STX6: variants seen among roughly 807,000 people sequenced by gnomAD.
STX6 encodes the protein syntaxin 6.
STX6 carries 23 observed loss-of-function variants against 38.0 expected under a neutral mutation model. The observed-to-expected ratio is 0.60, with a 90% confidence interval of 0.43 to 0.86. The LOEUF (loss-of-function observed/expected upper bound fraction) is 0.86, where lower values mean the gene tolerates loss of function less well. Among genes scored for constraint, STX6 ranks in the 40% least tolerant of loss-of-function variants. STX6 has a pLI of 0.00. For missense variants in STX6, 274 were observed against 312.9 expected (o/e 0.88, Z 0.94); for synonymous variants, 123 against 107.5 (o/e 1.14, Z -0.89).
At chr1:180,979,821 G>T (rs1250369584) in intron 7 of STX6, among the ~76,000 whole-genome samples, 2 of 151,450 alleles carry the variant, frequency 1.3e-5, no homozygotes, top group Non-Finnish European at 2.9e-5. Context: ...TGTCCAGAAT[G>T]TATTATACAA....
At chr1:180,986,555 T>A (rs1655591121) in intron 6 of STX6, among the ~76,000 whole-genome samples, 1 of 152,090 alleles carries the variant, frequency 6.6e-6, no homozygotes, top group Admixed American at 6.5e-5. Flanking sequence ...GTTATTTCTA[T>A]TTTTTTAGAG....
chr1:180,972,932 C>A lies in STX6; in HGVS notation c.*3638G>T, dbSNP rs1040303194. 3.9e-6 allele frequency: 1 copy of A among 254,472 alleles called. No individual in the cohort carries two copies. Among genetic ancestry groups the A allele is most frequent in the Non-Finnish European group, 7.7e-6 (1 of 129,046 alleles). 15.8% of individuals were successfully genotyped at this position (254,472 alleles called of 1,614,324 possible). On this transcript the variant is annotated 3_prime_UTR_variant, in exon 8 of 8. Transcript: ENST00000258301. The stretch of plus-strand genomic sequence containing the variant: ...GACCACCCCCTATTAGAAGCAAAGG[C>A]CCTGGGAGGAGTAAGGCCTGTCACT...
At chr1:181,019,363 A>C (rs1263809574) in intron 1 of STX6, among the ~76,000 whole-genome samples, 1 of 152,106 alleles carries the variant, frequency 6.6e-6, no homozygotes, top group Non-Finnish European at 1.5e-5. Context: ...GAAAAAAAAA[A>C]AAAAAACAGT....
In STX6 at chr1:181,022,622, G is replaced by A. The variant is rs113299038; in HGVS notation, c.35+17C>T. ...CCGCCACCTCTTCCTCCGGTGGAGC[G>A]CTCGGCCGACACTCACCCTTTCACC... On this transcript the variant is annotated intron_variant, in intron 1 of 7. Transcript: ENST00000258301. 5.0e-6 allele frequency: 8 copies of A among 1,606,470 alleles called. No homozygotes were observed. Among genetic ancestry groups the A allele is most frequent in the Non-Finnish European group, 5.9e-6 (7 of 1,176,802 alleles).
intron 7 of STX6, among the ~76,000 whole-genome samples, chr1:180,977,559 A>C (rs556714170): frequency 5.2e-5 from 8 of 152,392 alleles, no homozygotes; most frequent in African/African-American, 1.4e-4. Context: ...TGTAGAAAAA[A>C]TGAGCAGTCC....
intron 1 of STX6, among the ~76,000 whole-genome samples, chr1:181,010,405 G>A (rs1054200546): frequency 6.6e-6 from 1 of 151,962 alleles, no homozygotes; most frequent in Admixed American, 6.6e-5. Context: ...GGGTTCAATC[G>A]ATTCTCCTGC....
At chr1:180,983,697 A>G (rs547052766) in intron 7 of STX6, among the ~76,000 whole-genome samples, 1 of 152,226 alleles carries the variant, frequency 6.6e-6, no homozygotes, top group Non-Finnish European at 1.5e-5. Context: ...GTTGTTTTAC[A>G]TAAGTTCCCT....
At chr1:180,988,490 T>TCA in intron 5 of STX6, 145 bp from the exon 6 acceptor site, 1 of 618,964 alleles carries the variant, frequency 1.6e-6, no homozygotes. Context: ...GACCAGACCG[T>TCA]TGCCTCTGAG....
At chr1:181,009,346 G>A (rs934740602) in intron 1 of STX6, among the ~76,000 whole-genome samples, 1 of 151,838 alleles carries the variant, frequency 6.6e-6, no homozygotes, top group African/African-American at 2.4e-5. Context: ...GTGGGTGCCT[G>A]TAATCCCAGC....
chr1:180,985,869 C>T (rs991329078), intron 6 of STX6, among the ~76,000 whole-genome samples: 2 of 152,202 alleles, frequency 1.3e-5, no homozygotes, highest in African/African-American at 2.4e-5. Context: ...GATCTGTGCC[C>T]ACAATAGACA....
chr1:180,978,689 C>T (rs898733159), intron 7 of STX6, among the ~76,000 whole-genome samples: 3 of 152,134 alleles, frequency 2.0e-5, no homozygotes, highest in African/African-American at 4.8e-5. Flanking sequence ...AGGAAAATAC[C>T]CAACTCCAGT....
intron 1 of STX6, among the ~76,000 whole-genome samples, chr1:181,011,592 C>A (rs1322002919): frequency 6.6e-6 from 1 of 152,196 alleles, no homozygotes; most frequent in Non-Finnish European, 1.5e-5. Flanking sequence ...TAAGTACTTG[C>A]AACTAAAAAC....
At chr1:181,002,067 G>A (rs1478872181) in intron 3 of STX6, among the ~76,000 whole-genome samples, 5 of 152,206 alleles carry the variant, frequency 3.3e-5, no homozygotes, top group Non-Finnish European at 7.3e-5. Context: ...CTATTTGGGA[G>A]GCAGAGGTTG....
At chr1:180,996,249 A>G (rs1655912883) in intron 3 of STX6, among the ~76,000 whole-genome samples, 1 of 152,220 alleles carries the variant, frequency 6.6e-6, no homozygotes. Context: ...TATAATAAGA[A>G]AAAAAGTAGA....
At chr1:181,002,781 C>T (rs1656120723) in intron 2 of STX6, 81 bp from the exon 3 acceptor site, 4 of 935,094 alleles carry the variant, frequency 4.3e-6, no homozygotes, top group Admixed American at 2.1e-5. Context: ...CTCTCACATG[C>T]AAACAAATAA....
At chr1:180,987,056 C>G (rs752099877) in intron 6 of STX6, among the ~76,000 whole-genome samples, 6 of 152,206 alleles carry the variant, frequency 3.9e-5, no homozygotes, top group Admixed American at 6.5e-5. Flanking sequence ...ACTGGTCTCT[C>G]ATTATGCTGA....
intron 1 of STX6, among the ~76,000 whole-genome samples, chr1:181,007,787 T>C (rs987061167): frequency 2.6e-5 from 4 of 152,236 alleles, no homozygotes; most frequent in African/African-American, 9.6e-5. Context: ...ATTTACTATA[T>C]TAGGAATTCA....
chr1:180,994,683 G>A (rs1655848409), intron 3 of STX6, among the ~76,000 whole-genome samples: 1 of 152,214 alleles, frequency 6.6e-6, no homozygotes, highest in South Asian at 2.1e-4. Context: ...AGTGCAGGGG[G>A]AAAGGAGGAT....
intron 1 of STX6, among the ~76,000 whole-genome samples, chr1:181,011,980 T>C (rs1175902559): frequency 6.6e-6 from 1 of 152,240 alleles, no homozygotes; most frequent in East Asian, 1.9e-4. Flanking sequence ...TCTTTATCCC[T>C]TATCTTTATG....
Sources: allele counts gnomAD v4.1 joint callset (sites outside exome capture counted in the v4.1 genomes callset), GRCh38; gene constraint gnomAD v4.1.1; transcripts MANE v1.5; gene names NCBI Gene and HGNC (gene_info 2026-07-23, HGNC 2026-07-21).